The following FNDC3A variants were observed in gnomAD, a reference collection of about 807,000 sequenced individuals.
FNDC3A encodes fibronectin type III domain containing 3A.
In FNDC3A, 32 loss-of-function variants were observed where a neutral mutation model predicts 148.9. That is an observed-to-expected ratio of 0.21 (90% CI 0.16 to 0.29). FNDC3A has a LOEUF of 0.29. FNDC3A is among the 10% of genes least tolerant of loss of function. FNDC3A has a pLI of 1.00. For missense variants in FNDC3A, 1,191 were observed against 1,452.8 expected (o/e 0.82, Z 2.93); for synonymous variants, 472 against 473.6 (o/e 1.00, Z 0.04).
chr13:49,110,904 C>T (rs1880523461), intron 3 of FNDC3A, among the ~76,000 whole-genome samples: 1 of 152,166 alleles, frequency 6.6e-6, no homozygotes, highest in African/African-American at 2.4e-5. Context: ...TGGGGAGCTT[C>T]TCAAATTTCT....
intron 14 of FNDC3A, among the ~76,000 whole-genome samples, 154 bp downstream of exon 14, chr13:49,178,808 C>G (rs1885160918): frequency 6.6e-6 from 1 of 152,124 alleles, no homozygotes; most frequent in Admixed American, 6.5e-5. Flanking sequence ...TCATGGCTCA[C>G]TGCAGCCACA....
intron 2 of FNDC3A, among the ~76,000 whole-genome samples, chr13:49,072,647 A>G (rs1356938865): frequency 6.6e-6 from 1 of 152,136 alleles, no homozygotes; most frequent in Non-Finnish European, 1.5e-5. Context: ...AGTTTTAAAA[A>G]TAATAATTAT....
At chr13:49,116,522 T>A (rs1452387643) in intron 4 of FNDC3A, among the ~76,000 whole-genome samples, 1 of 152,154 alleles carries the variant, frequency 6.6e-6, no homozygotes, top group Non-Finnish European at 1.5e-5. Flanking sequence ...TTGCTGGGCA[T>A]GGTGGCTCAC....
At chr13:49,144,171 C>T (rs1016260621) in intron 7 of FNDC3A, among the ~76,000 whole-genome samples, 2 of 151,718 alleles carry the variant, frequency 1.3e-5, no homozygotes, top group Admixed American at 6.6e-5. Context: ...GGTATACATA[C>T]ATGTATAGTA....
chr13:48,994,533 C>G (rs1299625654), intron 1 of FNDC3A, among the ~76,000 whole-genome samples: 5 of 152,188 alleles, frequency 3.3e-5, no homozygotes, highest in Non-Finnish European at 7.3e-5. Flanking sequence ...AATGCCTGCA[C>G]TTTGGGAGGC....
At chr13:49,122,939 A>G (rs1881453197) in intron 4 of FNDC3A, among the ~76,000 whole-genome samples, 1 of 152,212 alleles carries the variant, frequency 6.6e-6, no homozygotes, top group Non-Finnish European at 1.5e-5. Flanking sequence ...TAATTTATAG[A>G]TTCAATGCTA....
chr13:49,045,002 C>T, intron 2 of FNDC3A: 1 of 317,000 alleles, frequency 3.2e-6, no homozygotes, highest in Non-Finnish European at 6.0e-6. Context: ...CTCAGAAATT[C>T]ACTGGCTCTC....
chr13:49,203,309 G>C, intron 25 of FNDC3A, 25 bp downstream of exon 25: 1 of 1,545,286 alleles, frequency 6.5e-7, no homozygotes, highest in Non-Finnish European at 8.8e-7. Flanking sequence ...ATTAATGTGT[G>C]GATGCATATT....
At chr13:49,159,508 G>GAA (rs940354309) in intron 8 of FNDC3A, among the ~76,000 whole-genome samples, 17 of 152,194 alleles carry the variant, frequency 1.1e-4, no homozygotes, top group African/African-American at 3.9e-4. Flanking sequence ...TCAGCTTAAG[G>GAA]AGGTTTCGGG....
chr13:49,017,218 T>G (rs1251996549), intron 2 of FNDC3A, among the ~76,000 whole-genome samples: 1 of 152,166 alleles, frequency 6.6e-6, no homozygotes, highest in Non-Finnish European at 1.5e-5. Context: ...AGTCTCCCAT[T>G]ATTAATGTGT....
chr13:49,078,284 C>T (rs1297840669), intron 3 of FNDC3A, among the ~76,000 whole-genome samples: 2 of 152,128 alleles, frequency 1.3e-5, no homozygotes, highest in Admixed American at 6.5e-5. Flanking sequence ...ATTTTATATG[C>T]GGCAGTGACC....
At chr13:49,185,092 G>A (rs1039875408) in intron 14 of FNDC3A, among the ~76,000 whole-genome samples, 4 of 151,258 alleles carry the variant, frequency 2.6e-5, no homozygotes, top group Non-Finnish European at 4.4e-5. Context: ...AAAAAGAGGG[G>A]CAGGTTTAGA....
intron 3 of FNDC3A, among the ~76,000 whole-genome samples, chr13:49,104,424 T>C (rs923829800): frequency 2.0e-5 from 3 of 152,096 alleles, no homozygotes; most frequent in African/African-American, 7.2e-5. Flanking sequence ...CTCGGGATGC[T>C]GAGGCAGGAG....
chr13:49,051,835 A>T (rs920524681), intron 2 of FNDC3A, among the ~76,000 whole-genome samples: 12 of 152,184 alleles, frequency 7.9e-5, no homozygotes, highest in African/African-American at 2.9e-4. Context: ...CGTTTAACAT[A>T]GTCCCAAACT....
intron 4 of FNDC3A, 150 bp from the exon 5 acceptor site, chr13:49,130,987 A>C: frequency 1.6e-6 from 1 of 626,666 alleles, no homozygotes; most frequent in Non-Finnish European, 2.8e-6. Flanking sequence ...GCTGTTCTCG[A>C]ACTCCTGACC....
At chr13:49,015,191 G>A (rs1050731950) in intron 2 of FNDC3A, among the ~76,000 whole-genome samples, 53 of 152,294 alleles carry the variant, frequency 3.5e-4, no homozygotes, top group Non-Finnish European at 5.9e-4. Flanking sequence ...ACCTTGGGCA[G>A]TATGGCCATT....
In FNDC3A at chr13:49,117,773, G is replaced by A. The variant is rs577214413; in HGVS notation, c.252+3042G>A. ...GTAGGTTATAAGCAAGTACTACACC[G>A]TTTTATATCAGAGGCTTGAGCATTA... On this transcript the variant is annotated intron_variant, in intron 4 of 25. Transcript: ENST00000492622. 7.9e-5 allele frequency among the ~76,000 whole-genome samples: 12 copies of A among 152,258 alleles called. No individual in the cohort carries two copies. The South Asian group carries it at 2.1e-3, about 26-fold the overall frequency.
Position 49,114,481 on chromosome 13 carries a change from C to CG in FNDC3A, c.176-174_176-173insG, listed in dbSNP as rs377314938. Among the ~76,000 whole-genome samples the CG allele has an allele frequency of 5.2e-3, 771 of 148,168 alleles. 10 individuals carry two copies. The highest frequency in any genetic ancestry group is 4.1e-3 in the Non-Finnish European group (278 of 67,312). On this transcript the variant is annotated intron_variant, in intron 3 of 25. Coordinates refer to ENST00000492622, the MANE Select transcript of FNDC3A (RefSeq NM_001079673.2). ...ATGTAGGTAAAGGGTAATTTGTGCACTTTACAAGATAAATTTTTATAACAA... is the reference window on the plus strand; with the variant it reads ...ATGTAGGTAAAGGGTAATTTGTGCACGTTTACAAGATAAATTTTTATAACAA...
chr13:49,036,775 T>G (rs1295752035), intron 2 of FNDC3A, among the ~76,000 whole-genome samples: 1 of 152,222 alleles, frequency 6.6e-6, no homozygotes, highest in Non-Finnish European at 1.5e-5. Flanking sequence ...TGCTTTAGGA[T>G]GGCAGAATCT....
Sources: gnomAD v4.1 joint callset for allele counts (sites outside exome capture counted in the v4.1 genomes callset) on GRCh38, gnomAD v4.1.1 for gene constraint, MANE v1.5 for transcripts, NCBI Gene and HGNC (gene_info 2026-07-23, HGNC 2026-07-21) for gene names.